FSD1L: variants seen among roughly 807,000 people sequenced by gnomAD.
FSD1L encodes the protein FSD1-like protein.
A neutral mutation model predicts 71.6 loss-of-function variants in FSD1L; 45 were observed. The observed-to-expected ratio is 0.63, with a 90% confidence interval of 0.49 to 0.81. The LOEUF (loss-of-function observed/expected upper bound fraction) is 0.81. Among genes scored for constraint, FSD1L ranks in the 30% least tolerant of loss-of-function variants. The probability of loss-of-function intolerance (pLI) is 0.00; values close to 1 mark genes in which losing one functional copy is unlikely to be tolerated. For synonymous variants in FSD1L, 197 were observed against 207.2 expected, an observed-to-expected ratio of 0.95 and a Z score of 0.42; for missense variants, 561 against 618.1, an observed-to-expected ratio of 0.91 and a Z score of 0.98.
intron 3 of FSD1L, among the ~76,000 whole-genome samples, chr9:105,466,519 C>G (rs1302412990): frequency 6.6e-6 from 1 of 151,968 alleles, no homozygotes; most frequent in East Asian, 1.9e-4. Flanking sequence ...ATTGTGAAAC[C>G]CCATCTCTAC....
At chr9:105,493,354 T>G (rs1412330111) in intron 7 of FSD1L, among the ~76,000 whole-genome samples, 1 of 152,130 alleles carries the variant, frequency 6.6e-6, no homozygotes. Flanking sequence ...ATTTGCTTGG[T>G]ACATCTTCCT....
intron 1 of FSD1L, among the ~76,000 whole-genome samples, chr9:105,460,766 G>A (rs1213605288): frequency 6.6e-6 from 1 of 152,188 alleles, no homozygotes; most frequent in African/African-American, 2.4e-5. Context: ...CAACTTTGAC[G>A]TGGACATTTG....
At chr9:105,535,741 TGAAA>T (rs1273594172) in intron 12 of FSD1L, among the ~76,000 whole-genome samples, 8 of 152,104 alleles carry the variant, frequency 5.3e-5, no homozygotes, top group African/African-American at 1.7e-4. Flanking sequence ...CATGCCTATA[TGAAA>T]GCATCTCATA....
intron 10 of FSD1L, among the ~76,000 whole-genome samples, chr9:105,534,023 C>T (rs909312718): frequency 6.6e-6 from 1 of 152,136 alleles, no homozygotes; most frequent in African/African-American, 2.4e-5. Context: ...CCGTGCCTGG[C>T]CGCCATTTCT....
chr9:105,451,574 C>A (rs1221775204), intron 1 of FSD1L, among the ~76,000 whole-genome samples: 1 of 152,154 alleles, frequency 6.6e-6, no homozygotes, highest in African/African-American at 2.4e-5. Context: ...TGTAGGCATA[C>A]TGTTGGATAC....
chr9:105,455,385 G>T (rs1431884006), intron 1 of FSD1L, among the ~76,000 whole-genome samples: 1 of 151,326 alleles, frequency 6.6e-6, no homozygotes, highest in Non-Finnish European at 1.5e-5. Flanking sequence ...CCCCACTGGA[G>T]TCGATGGAGG....
chr9:105,497,714 TTTTGATACTAGTTA>T (rs1377189919), intron 7 of FSD1L, among the ~76,000 whole-genome samples: 7 of 152,342 alleles, frequency 4.6e-5, no homozygotes, highest in Non-Finnish European at 8.8e-5. Flanking sequence ...CCTCTTTCAT[TTTTGATACTAGTTA>T]TTTGATACTA....
At chr9:105,483,834 C>A (rs969994682) in intron 6 of FSD1L, among the ~76,000 whole-genome samples, 2 of 152,090 alleles carry the variant, frequency 1.3e-5, no homozygotes, top group Admixed American at 6.5e-5. Flanking sequence ...AGTGATTTCA[C>A]TTCTCTCTTT....
At chr9:105,462,378 G>A (rs928954990) in intron 2 of FSD1L, among the ~76,000 whole-genome samples, 2 of 151,192 alleles carry the variant, frequency 1.3e-5, no homozygotes, top group African/African-American at 4.9e-5. Context: ...CCATCACCAC[G>A]CCTGCCTAAT....
chr9:105,461,483 G>GGCTGC (rs1830692741), intron 1 of FSD1L, 37 bp from the exon 2 acceptor site: 8 of 1,022,666 alleles, frequency 7.8e-6, no homozygotes, highest in Non-Finnish European at 9.7e-6. Flanking sequence ...TTTTTGATGT[G>GGCTGC]GCTGCTATTG....
chr9:105,543,781 C>A (rs1589118253), intron 13 of FSD1L, among the ~76,000 whole-genome samples: 1 of 152,202 alleles, frequency 6.6e-6, no homozygotes, highest in South Asian at 2.1e-4. Flanking sequence ...TTTATGGCTG[C>A]ATAGTATTCC....
At chr9:105,514,663 T>C (rs907457102) in intron 10 of FSD1L, among the ~76,000 whole-genome samples, 1 of 152,184 alleles carries the variant, frequency 6.6e-6, no homozygotes, top group African/African-American at 2.4e-5. Context: ...ATCAAGCCTT[T>C]ATTGATTTGC....
chr9:105,541,295 T>C (rs1836596205), intron 13 of FSD1L, among the ~76,000 whole-genome samples: 1 of 151,462 alleles, frequency 6.6e-6, no homozygotes, highest in African/African-American at 2.4e-5. Flanking sequence ...TTCCTTTTTT[T>C]TTTTTTTTTA....
rs1472428227 is a variant in FSD1L at position 105,468,341 on chromosome 9, A to C, written c.339+17A>C. On this transcript the variant is annotated intron_variant, in intron 4 of 13. Coordinates refer to ENST00000481272, the MANE Select transcript of FSD1L (RefSeq NM_001145313.3). ...GAGTTACAGGTGAGATCATACAGCTATTGAAATATGGATAATTTTAGTCTA... is the reference window on the plus strand; with the variant it reads ...GAGTTACAGGTGAGATCATACAGCTCTTGAAATATGGATAATTTTAGTCTA... 3 of 1,469,202 alleles carry C rather than the reference A, an allele frequency of 2.0e-6. No homozygotes were observed. The highest frequency in any genetic ancestry group is 2.7e-6 in the Non-Finnish European group (3 of 1,116,948). 91.0% of individuals were successfully genotyped at this position (1,469,202 alleles called of 1,614,324 possible).
chr9:105,515,247 T>C (rs1834640336), intron 10 of FSD1L, among the ~76,000 whole-genome samples: 1 of 152,056 alleles, frequency 6.6e-6, no homozygotes, highest in Admixed American at 6.6e-5. Flanking sequence ...CGTCACTAGA[T>C]GGCACGGCTG....
intron 1 of FSD1L, among the ~76,000 whole-genome samples, chr9:105,459,478 CTT>C (rs1224792434): frequency 1.3e-5 from 2 of 152,220 alleles, no homozygotes; most frequent in African/African-American, 4.8e-5. Context: ...GGATTACAGT[CTT>C]TTTCATTTGC....
chr9:105,458,666 G>C (rs1228149677), intron 1 of FSD1L, among the ~76,000 whole-genome samples: 2 of 152,150 alleles, frequency 1.3e-5, no homozygotes, highest in African/African-American at 4.8e-5. Flanking sequence ...TGACTGAAAG[G>C]CATAAAGGAA....
Position 105,551,081 on chromosome 9 carries a change from A to G in FSD1L, c.*4598A>G, listed in dbSNP as rs1837243707. ...TTAGTATTGGAACTTTCTGGAGAAC[A>G]TAAGGGCTATGAGAATGCATATATA... On this transcript the variant is annotated 3_prime_UTR_variant, in exon 14 of 14. Transcript: ENST00000481272. The G allele has an allele frequency of 6.6e-6, 1 of 152,118 alleles. No individual in the cohort carries two copies. Among genetic ancestry groups the G allele is most frequent in the South Asian group, 2.1e-4 (1 of 4,824 alleles). The allele number at this position is 152,118 out of a possible 1,614,324, so 9.4% of individuals were successfully genotyped here.
At chr9:105,525,697 G>T (rs1835464198) in intron 10 of FSD1L, 1 of 1,607,170 alleles carries the variant, frequency 6.2e-7, no homozygotes, top group Non-Finnish European at 8.5e-7. Flanking sequence ...TTATGTTGCT[G>T]AAGGACAAGA....
Sources: allele counts gnomAD v4.1 joint callset (sites outside exome capture counted in the v4.1 genomes callset), GRCh38; gene constraint gnomAD v4.1.1; transcripts MANE v1.5; gene names NCBI Gene and HGNC (gene_info 2026-07-23, HGNC 2026-07-21).